FRMD5: variants seen among roughly 807,000 people sequenced by gnomAD.
FRMD5 encodes the protein FERM domain-containing protein 5.
Under a neutral mutation model 69.0 loss-of-function variants are expected in FRMD5, and 20 were observed. That is an observed-to-expected ratio of 0.29 (90% confidence interval 0.20 to 0.42). The LOEUF (loss-of-function observed/expected upper bound fraction) is 0.42, where lower values mean the gene tolerates loss of function less well. FRMD5 is among the 10% of genes least tolerant of loss of function. FRMD5 has a pLI of 1.00. For synonymous variants in FRMD5, 271 were observed against 260.1 expected (o/e 1.04, Z -0.40); for missense variants, 595 against 708.6 (o/e 0.84, Z 1.82).
intron 1 of FRMD5, among the ~76,000 whole-genome samples, chr15:44,145,468 T>C (rs2077341971): frequency 3.3e-5 from 5 of 152,198 alleles, no homozygotes. Flanking sequence ...CTGGTATCAC[T>C]AAGAAAGTTT....
chr15:44,126,756 G>A (rs551951038), intron 1 of FRMD5, among the ~76,000 whole-genome samples: 4 of 152,062 alleles, frequency 2.6e-5, no homozygotes, highest in Non-Finnish European at 2.9e-5. Context: ...GCTCTCATAC[G>A]TTATGTTCCT....
At chr15:43,973,059 G>C (rs1228629346) in intron 1 of FRMD5, among the ~76,000 whole-genome samples, 2 of 151,538 alleles carry the variant, frequency 1.3e-5, no homozygotes, top group Non-Finnish European at 2.9e-5. Flanking sequence ...GTCTCGCTCT[G>C]TCCTCCAGGC....
chr15:44,008,809 C>G (rs1941118374), intron 1 of FRMD5, among the ~76,000 whole-genome samples: 1 of 151,380 alleles, frequency 6.6e-6, no homozygotes, highest in Non-Finnish European at 1.5e-5. Context: ...GGCAGATCAC[C>G]AGGTCAGAAG....
intron 1 of FRMD5, among the ~76,000 whole-genome samples, chr15:44,165,539 A>T (rs2077695034): frequency 1.3e-5 from 2 of 152,132 alleles, no homozygotes; most frequent in Non-Finnish European, 2.9e-5. Context: ...ATTAATCTAA[A>T]TCTATCAAAT....
intron 1 of FRMD5, among the ~76,000 whole-genome samples, chr15:44,181,838 G>C (rs1234580599): frequency 6.6e-6 from 1 of 152,082 alleles, no homozygotes; most frequent in Non-Finnish European, 1.5e-5. Flanking sequence ...AGGAGTTCGA[G>C]GGTAAAGTGG....
At chr15:44,073,585 C>T in intron 1 of FRMD5, among the ~76,000 whole-genome samples, 1 of 152,158 alleles carries the variant, frequency 6.6e-6, no homozygotes, top group East Asian at 1.9e-4. Context: ...AAATCCTTGA[C>T]CTGGCCCTGA....
At chr15:44,114,841 G>T (rs2076846670) in intron 1 of FRMD5, among the ~76,000 whole-genome samples, 1 of 152,154 alleles carries the variant, frequency 6.6e-6, no homozygotes, top group African/African-American at 2.4e-5. Context: ...AAAGTAGACT[G>T]GCTTGAGAGA....
chr15:43,940,252 G>C (rs777196971), intron 1 of FRMD5, among the ~76,000 whole-genome samples: 7 of 152,154 alleles, frequency 4.6e-5, no homozygotes, highest in South Asian at 2.1e-4. Context: ...TGCAGTCAAT[G>C]AACAGTTTCT....
At chr15:44,197,539 G>A (rs150032230), upstream of FRMD5, among the ~76,000 whole-genome samples, 7 of 151,826 alleles carry the variant, frequency 4.6e-5, no homozygotes, top group African/African-American at 1.2e-4. Flanking sequence ...AAAATGAGCC[G>A]GGCATGGTGG....
At chr15:44,087,779 CATCATCAT>C (rs1894264927) in intron 1 of FRMD5, among the ~76,000 whole-genome samples, 1 of 149,358 alleles carries the variant, frequency 6.7e-6, no homozygotes, top group Non-Finnish European at 1.5e-5. Context: ...TCATCATCAT[CATCATCAT>C]CCCAGGCATT....
At chr15:43,996,281 C>T (rs968302399) in intron 1 of FRMD5, among the ~76,000 whole-genome samples, 10 of 152,096 alleles carry the variant, frequency 6.6e-5, no homozygotes, top group African/African-American at 2.4e-4. Context: ...GGCCTGGAGT[C>T]AGGGACCATG....
intron 1 of FRMD5, among the ~76,000 whole-genome samples, chr15:44,069,505 T>C (rs1489867576): frequency 6.6e-6 from 1 of 152,064 alleles, no homozygotes; most frequent in South Asian, 2.1e-4. Flanking sequence ...AAACTGTTGA[T>C]ACACTCAACA....
chr15:43,901,489 G>C (rs774426606), intron 7 of FRMD5, among the ~76,000 whole-genome samples: 2 of 152,164 alleles, frequency 1.3e-5, no homozygotes, highest in African/African-American at 4.8e-5. Flanking sequence ...TGGAAAGAGA[G>C]AGGCAGAAAT....
At chr15:44,008,490 T>G (rs1890562380) in intron 1 of FRMD5, among the ~76,000 whole-genome samples, 1 of 151,836 alleles carries the variant, frequency 6.6e-6, no homozygotes, top group Non-Finnish European at 1.5e-5. Context: ...GGTCTTGAAC[T>G]CCTGACCTCA....
At chr15:43,960,686 A>C (rs1336941863) in intron 1 of FRMD5, among the ~76,000 whole-genome samples, 2 of 152,242 alleles carry the variant, frequency 1.3e-5, no homozygotes, top group East Asian at 1.9e-4. Context: ...GCCTGGTCTA[A>C]AATGATTATT....
intron 1 of FRMD5, chr15:43,989,916 G>T (rs1275094363): frequency 1.0e-5 from 12 of 1,146,004 alleles, no homozygotes; most frequent in Non-Finnish European, 1.6e-5. Context: ...CGTTGTAGAA[G>T]GTGTGGTGCC....
At chr15:44,013,564 G>C (rs1443349231) in intron 1 of FRMD5, among the ~76,000 whole-genome samples, 1 of 152,104 alleles carries the variant, frequency 6.6e-6, no homozygotes, top group Non-Finnish European at 1.5e-5. Flanking sequence ...TAAAGTGTAG[G>C]CCTATACTAT....
intron 1 of FRMD5, among the ~76,000 whole-genome samples, chr15:43,929,428 A>G (rs2089638581): frequency 6.6e-6 from 1 of 152,134 alleles, no homozygotes; most frequent in Non-Finnish European, 1.5e-5. Context: ...ACTTTATTCA[A>G]TCCTGCTTAC....
chr15:44,190,847 G>A (rs1467916732), intron 1 of FRMD5, among the ~76,000 whole-genome samples: 3 of 152,230 alleles, frequency 2.0e-5, no homozygotes, highest in South Asian at 2.1e-4. Context: ...GTAAGGCATC[G>A]AACTAGATGT....
Sources: gnomAD v4.1 joint callset for allele counts (sites outside exome capture counted in the v4.1 genomes callset) on GRCh38, gnomAD v4.1.1 for gene constraint, MANE v1.5 for transcripts, NCBI Gene and HGNC (gene_info 2026-07-23, HGNC 2026-07-21) for gene names.